Variants in IL6R observed in about 807,000 individuals in gnomAD.
The protein encoded by IL6R is interleukin-6 receptor subunit alpha.
A neutral mutation model predicts 48.3 loss-of-function variants in IL6R; 38 were observed. The observed-to-expected ratio is 0.79, with a 90% CI of 0.61 to 1.03. The LOEUF (loss-of-function observed/expected upper bound fraction) is 1.03. Ranked by LOEUF, IL6R falls within the 50% of genes least tolerant of loss-of-function variation. IL6R has a pLI of 0.00. For missense variants in IL6R, 534 were observed against 618.3 expected, an observed-to-expected ratio of 0.86 and a Z score of 1.45; for synonymous variants, 264 against 256.2, an observed-to-expected ratio of 1.03 and a Z score of -0.29.
chr1:154,457,814 A>G (rs1014916701), intron 9 of IL6R, among the ~76,000 whole-genome samples: 9 of 152,162 alleles, frequency 5.9e-5, no homozygotes, highest in Non-Finnish European at 1.0e-4. Flanking sequence ...TTCTACATGT[A>G]GAGAGCTTTC....
intron 3 of IL6R, among the ~76,000 whole-genome samples, chr1:154,432,537 T>C (rs1462320886): frequency 6.6e-6 from 1 of 152,052 alleles, no homozygotes; most frequent in Admixed American, 6.6e-5. Flanking sequence ...TTTGTATTTT[T>C]AGTAGAGATG....
intron 1 of IL6R, among the ~76,000 whole-genome samples, chr1:154,412,417 G>A (rs1332120478): frequency 1.3e-5 from 2 of 151,224 alleles, no homozygotes; most frequent in South Asian, 2.1e-4. Flanking sequence ...CACCACACCC[G>A]GCTAATTTTT....
intron 8 of IL6R, among the ~76,000 whole-genome samples, chr1:154,451,827 C>T (rs182319653): frequency 7.9e-5 from 12 of 152,166 alleles, no homozygotes; most frequent in African/African-American, 2.6e-4. Context: ...TGAGCCACCG[C>T]GCCTGGCCAG....
At chr1:154,452,559 G>A (rs1238559464) in intron 8 of IL6R, among the ~76,000 whole-genome samples, 1 of 152,206 alleles carries the variant, frequency 6.6e-6, no homozygotes, top group African/African-American at 2.4e-5. Flanking sequence ...TTGGCCGGGC[G>A]CGGTGGCTCA....
At chr1:154,449,736 T>C (rs1690478477) in intron 7 of IL6R, among the ~76,000 whole-genome samples, 175 bp from the exon 8 acceptor site, 1 of 152,116 alleles carries the variant, frequency 6.6e-6, no homozygotes, top group Non-Finnish European at 1.5e-5. Context: ...ATGGTGTGGA[T>C]AGAAAAAATG....
At chr1:154,450,632 G>A (rs1570994028) in intron 8 of IL6R, among the ~76,000 whole-genome samples, 1 of 152,166 alleles carries the variant, frequency 6.6e-6, no homozygotes, top group African/African-American at 2.4e-5. Flanking sequence ...TCTTTATTTT[G>A]GGAGCCCTTG....
At chr1:154,439,323 A>T (rs954236334) in intron 6 of IL6R, among the ~76,000 whole-genome samples, 1 of 152,134 alleles carries the variant, frequency 6.6e-6, no homozygotes, top group Non-Finnish European at 1.5e-5. Flanking sequence ...TATTATTATT[A>T]TTATTTTTTG....
chr1:154,406,098 C>A (rs555420105), intron 1 of IL6R, among the ~76,000 whole-genome samples: 1 of 152,188 alleles, frequency 6.6e-6, no homozygotes, highest in African/African-American at 2.4e-5. Context: ...CGCGCCCCAG[C>A]GGGGTGATGT....
intron 9 of IL6R, among the ~76,000 whole-genome samples, chr1:154,461,161 CT>C (rs1287700880): frequency 6.6e-6 from 1 of 152,212 alleles, no homozygotes; most frequent in Non-Finnish European, 1.5e-5. Context: ...ACTTTTAAGA[CT>C]TTCACTATTT....
intron 1 of IL6R, among the ~76,000 whole-genome samples, chr1:154,407,240 C>G (rs949989068): frequency 3.9e-5 from 6 of 152,178 alleles, no homozygotes; most frequent in Non-Finnish European, 8.8e-5. Flanking sequence ...CAGGAGCAAG[C>G]AGGGCTCCCT....
Position 154,440,655 on chromosome 1 carries a change from CT to C in IL6R, c.949+4562del, listed in dbSNP as rs35390021. ...TTTGCATTTCCCTAATGATTAATGTCTTTTTTTTTTTTTTTTTGAGACAGAG... is the reference window on the plus strand; with the variant it reads ...TTTGCATTTCCCTAATGATTAATGTCTTTTTTTTTTTTTTTTGAGACAGAG... On this transcript the variant is annotated intron_variant, in intron 6 of 9. Transcript: ENST00000368485. 9.5e-4 allele frequency among the ~76,000 whole-genome samples: 128 copies of C among 134,946 alleles called. 1 individual carries two copies. The highest frequency in any genetic ancestry group is 4.0e-3 in the Middle Eastern group (1 of 252). The allele number at this position is 134,946 out of a possible 152,430, so 88.5% of individuals were successfully genotyped here.
chr1:154,413,714 G>T (rs1558298496), intron 1 of IL6R, among the ~76,000 whole-genome samples: 1 of 148,848 alleles, frequency 6.7e-6, no homozygotes, highest in Non-Finnish European at 1.5e-5. Context: ...TTTTGATTGG[G>T]TCATTAATCT....
intron 9 of IL6R, among the ~76,000 whole-genome samples, chr1:154,459,064 C>T (rs1453388560): frequency 2.0e-5 from 3 of 152,176 alleles, no homozygotes; most frequent in Non-Finnish European, 2.9e-5. Context: ...AGAACACACA[C>T]CCTGAGAGTC....
rs1056413303 is a variant in IL6R, at chr1:154,422,954, A to G, written c.86-6242A>G. On this transcript the variant is annotated intron_variant, in intron 1 of 9. Coordinates refer to ENST00000368485, the MANE Select transcript of IL6R (RefSeq NM_000565.4). Reference sequence around the variant, plus strand: ...CAGCAGATTCCCAGGGAACAGAAAAACAGACAGATGGGAGGAATCAAGGCT... The same window carrying G: ...CAGCAGATTCCCAGGGAACAGAAAAGCAGACAGATGGGAGGAATCAAGGCT... 2.2e-4 allele frequency among the ~76,000 whole-genome samples: 33 copies of G among 152,106 alleles called. 1 individual carries two copies. The highest frequency in any genetic ancestry group is 8.0e-4 in the African/African-American group (33 of 41,498).
chr1:154,417,199 C>T (rs1033466710), intron 1 of IL6R, among the ~76,000 whole-genome samples: 1 of 152,192 alleles, frequency 6.6e-6, no homozygotes, highest in African/African-American at 2.4e-5. Context: ...GACCCCTAGG[C>T]CATGCTTCTG....
At chr1:154,413,845 C>G (rs1688179881) in intron 1 of IL6R, among the ~76,000 whole-genome samples, 1 of 145,546 alleles carries the variant, frequency 6.9e-6, no homozygotes, top group Non-Finnish European at 1.5e-5. Flanking sequence ...CTCTCTCTCT[C>G]TCTTTCTTTC....
chr1:154,436,615 G>C (rs1159115886), intron 6 of IL6R, among the ~76,000 whole-genome samples: 1 of 152,202 alleles, frequency 6.6e-6, no homozygotes, highest in Non-Finnish European at 1.5e-5. Context: ...GATGGTCTGA[G>C]ATGGCCTCAG....
intron 1 of IL6R, among the ~76,000 whole-genome samples, chr1:154,425,555 G>T (rs1250724188): frequency 1.3e-5 from 2 of 152,086 alleles, no homozygotes; most frequent in African/African-American, 2.4e-5. Context: ...TAGGAGGATT[G>T]CTTGAGGCCA....
intron 1 of IL6R, chr1:154,414,460 G>A (rs1226632150): frequency 2.0e-5 from 23 of 1,177,852 alleles, no homozygotes; most frequent in South Asian, 2.5e-5. Context: ...GCTGCTGGCC[G>A]GCAAAACTAT....
Sources: gnomAD v4.1 joint callset for allele counts (sites outside exome capture counted in the v4.1 genomes callset) on GRCh38, gnomAD v4.1.1 for gene constraint, MANE v1.5 for transcripts, NCBI Gene and HGNC (gene_info 2026-07-23, HGNC 2026-07-21) for gene names.